RUNX2: variants seen among roughly 807,000 people sequenced by gnomAD.
RUNX2 encodes RUNX family transcription factor 2, also known as runt-related transcription factor 2.
In RUNX2, 10 loss-of-function variants were observed where a neutral mutation model predicts 51.7. The observed-to-expected ratio is 0.19, with a 90% CI of 0.12 to 0.33. The LOEUF (loss-of-function observed/expected upper bound fraction) is 0.33. Ranked by LOEUF, RUNX2 falls within the 10% of genes least tolerant of loss-of-function variation. The pLI, the probability that RUNX2 is intolerant of heterozygous loss-of-function variation, is 1.00. For missense variants in RUNX2, 562 were observed against 691.3 expected (o/e 0.81, Z 2.10); for synonymous variants, 276 against 273.6 (o/e 1.01, Z -0.09).
intron 2 of RUNX2, among the ~76,000 whole-genome samples, chr6:45,371,014 T>C (rs151060938): frequency 1.1e-3 from 175 of 152,322 alleles, no homozygotes; most frequent in African/African-American, 4.0e-3. Context: ...ATAGCACACT[T>C]ACTTTTCCAA....
chr6:45,523,610 T>A (rs1324036108), intron 7 of RUNX2, among the ~76,000 whole-genome samples: 2 of 151,976 alleles, frequency 1.3e-5, no homozygotes, highest in Admixed American at 1.3e-4. Context: ...TTTGTTAACA[T>A]GCAGAAATAG....
intron 2 of RUNX2, among the ~76,000 whole-genome samples, chr6:45,367,453 C>T (rs569711801): frequency 1.3e-5 from 2 of 150,886 alleles, no homozygotes; most frequent in African/African-American, 4.9e-5. Flanking sequence ...ATTTGAGACT[C>T]GGATTAAAAA....
At chr6:45,404,123 G>A (rs1020035065) in intron 2 of RUNX2, among the ~76,000 whole-genome samples, 9 of 151,754 alleles carry the variant, frequency 5.9e-5, no homozygotes, top group Non-Finnish European at 8.8e-5. Context: ...AGCCGGGTGC[G>A]GTGGCGTGTG....
intron 5 of RUNX2, among the ~76,000 whole-genome samples, chr6:45,452,978 G>T (rs940780483): frequency 6.6e-6 from 1 of 152,192 alleles, no homozygotes; most frequent in Non-Finnish European, 1.5e-5. Flanking sequence ...ACCCACAGTT[G>T]AAGATGGGTC....
At chr6:45,341,174 G>C (rs1238137198) in intron 2 of RUNX2, among the ~76,000 whole-genome samples, 3 of 151,676 alleles carry the variant, frequency 2.0e-5, no homozygotes, top group Admixed American at 6.6e-5. Flanking sequence ...AAAACAAAAA[G>C]TTCTCAAACA....
chr6:45,328,872 A>G (rs1390839864), intron 2 of RUNX2, 88 bp downstream of exon 2: 2 of 1,345,654 alleles, frequency 1.5e-6, no homozygotes, highest in Admixed American at 3.4e-5. Context: ...AGCTTTTCCA[A>G]ATAGCATATT....
chr6:45,550,854 T>G lies in RUNX2; in HGVS notation c.*3549T>G, dbSNP rs1047384674. The G allele has an allele frequency of 2.0e-5, 3 of 152,802 alleles. No homozygotes were observed. The highest frequency in any genetic ancestry group is 1.3e-4 in the Admixed American group (2 of 15,312). The allele number at this position is 152,802 out of a possible 1,614,324, so 9.5% of individuals were successfully genotyped here. A position where few individuals can be genotyped will look rare whatever the true frequency, so the allele number is the denominator to read the frequency against. ...TGTAAATACAAGCTTTCATTTTTAT[T>G]TTTTCCAATTGCTATTGCCCAAGAA... is the stretch of plus-strand genomic sequence containing the variant. On this transcript the variant is annotated 3_prime_UTR_variant, in exon 9 of 9. Coordinates refer to ENST00000647337, the MANE Select transcript of RUNX2 (RefSeq NM_001024630.4).
intron 5 of RUNX2, among the ~76,000 whole-genome samples, chr6:45,467,267 TTTTATTTA>T (rs976814208): frequency 6.6e-6 from 1 of 152,158 alleles, no homozygotes; most frequent in African/African-American, 2.4e-5. Context: ...TTGCTTTATC[TTTTATTTA>T]TTTATTTATT....
At chr6:45,432,105 G>T in intron 4 of RUNX2, 86 bp downstream of exon 4, 1 of 1,260,940 alleles carries the variant, frequency 7.9e-7, no homozygotes, top group Non-Finnish European at 1.1e-6. Context: ...ATACAAATCA[G>T]CACCTTCTTT....
At position 45,442,956 on chromosome 6, in the gene RUNX2, CT is replaced by C. The variant is rs567245803; in HGVS notation, c.685+4908del. On this transcript the variant is annotated intron_variant, in intron 5 of 8. Coordinates refer to ENST00000647337, the MANE Select transcript of RUNX2 (RefSeq NM_001024630.4). ...TCTCCACGTGGCCTCTCCATGTGGTCTTTCCCGCTGAGTCTGACTTCTCACA... is the reference window on the plus strand; with the variant it reads ...TCTCCACGTGGCCTCTCCATGTGGTCTTCCCGCTGAGTCTGACTTCTCACA... Among the ~76,000 whole-genome samples, 30 of 150,038 alleles carry C rather than the reference CT, an allele frequency of 2.0e-4. No homozygotes were observed. In the South Asian group the frequency reaches 4.9e-3, roughly 24 times the overall value.
chr6:45,483,450 T>C (rs1417727638), intron 5 of RUNX2, among the ~76,000 whole-genome samples: 1 of 152,214 alleles, frequency 6.6e-6, no homozygotes, highest in Non-Finnish European at 1.5e-5. Context: ...TCATTTGTTG[T>C]GTGACTTCTC....
chr6:45,480,297 C>A (rs1031565989), intron 5 of RUNX2, among the ~76,000 whole-genome samples: 2 of 152,164 alleles, frequency 1.3e-5, no homozygotes, highest in African/African-American at 4.8e-5. Flanking sequence ...GTTACTCTTG[C>A]AGCTTAGAGA....
chr6:45,380,601 G>A (rs1345909939), intron 2 of RUNX2, among the ~76,000 whole-genome samples: 1 of 152,170 alleles, frequency 6.6e-6, no homozygotes, highest in African/African-American at 2.4e-5. Flanking sequence ...TTTTGAGACA[G>A]AGTCTCGCTC....
At chr6:45,393,710 G>A (rs541957913) in intron 2 of RUNX2, among the ~76,000 whole-genome samples, 202 of 152,184 alleles carry the variant, frequency 1.3e-3, no homozygotes, top group African/African-American at 4.6e-3. Flanking sequence ...TTACAGGTGT[G>A]AGCCACTGCA....
intron 5 of RUNX2, among the ~76,000 whole-genome samples, chr6:45,446,217 G>A (rs1364403827): frequency 2.6e-5 from 4 of 152,168 alleles, no homozygotes; most frequent in Admixed American, 1.3e-4. Context: ...CTGAATATGC[G>A]TTTTCATTGT....
chr6:45,496,319 A>G (rs1000029702), intron 6 of RUNX2, among the ~76,000 whole-genome samples: 1 of 152,134 alleles, frequency 6.6e-6, no homozygotes, highest in Non-Finnish European at 1.5e-5. Context: ...CACTCATTCA[A>G]AAAATACTTA....
At position 45,541,124 on chromosome 6, in the gene RUNX2, A is replaced by T. The variant is rs115281279; in HGVS notation, c.1022-4093A>T. On this transcript the variant is annotated intron_variant, in intron 7 of 8. Coordinates refer to ENST00000647337, the MANE Select transcript of RUNX2 (RefSeq NM_001024630.4). ...ATTGTACAGAGTTCCCAATCCTTAGACTCATTTACGTATTCATTTATCCAT... is the reference window on the plus strand; with the variant it reads ...ATTGTACAGAGTTCCCAATCCTTAGTCTCATTTACGTATTCATTTATCCAT... Among the ~76,000 whole-genome samples the T allele has an allele frequency of 9.3e-3, 1,408 of 151,964 alleles. 21 individuals are homozygous for T. Among genetic ancestry groups the T allele is most frequent in the African/African-American group, 0.03 (1,239 of 41,426 alleles).
intron 2 of RUNX2, among the ~76,000 whole-genome samples, chr6:45,383,943 A>C (rs1797294330): frequency 6.6e-6 from 1 of 152,262 alleles, no homozygotes; most frequent in South Asian, 2.1e-4. Context: ...CTGTACCAAC[A>C]GGTTTCACCA....
chr6:45,541,921 A>G (rs1802243016), intron 7 of RUNX2, among the ~76,000 whole-genome samples: 2 of 152,330 alleles, frequency 1.3e-5, no homozygotes, highest in South Asian at 4.1e-4. Flanking sequence ...TTGGGGGCCT[A>G]GTCAATGAGA....
Sources: allele counts gnomAD v4.1 joint callset (sites outside exome capture counted in the v4.1 genomes callset), GRCh38; gene constraint gnomAD v4.1.1; transcripts MANE v1.5; gene names NCBI Gene and HGNC (gene_info 2026-07-23, HGNC 2026-07-21).